Variants in CHRNA6 observed in about 807,000 individuals in gnomAD.
The protein encoded by CHRNA6 is neuronal acetylcholine receptor subunit alpha-6.
In CHRNA6, 31 loss-of-function variants were observed where a neutral mutation model predicts 40.9. The observed-to-expected ratio is 0.76, with a 90% confidence interval of 0.57 to 1.02. The LOEUF (loss-of-function observed/expected upper bound fraction) is 1.02. CHRNA6 is among the 50% of genes least tolerant of loss of function. The pLI, the probability that CHRNA6 is intolerant of heterozygous loss-of-function variation, is 0.00. For synonymous variants in CHRNA6, 222 were observed against 221.3 expected (o/e 1.00, Z -0.03); for missense variants, 546 against 596.6 (o/e 0.92, Z 0.88).
intron 2 of CHRNA6, among the ~76,000 whole-genome samples, chr8:42,764,552 C>G (rs941700351): frequency 6.6e-5 from 10 of 152,160 alleles, no homozygotes; most frequent in African/African-American, 1.9e-4. Context: ...GTCTCGAACT[C>G]TTGAGCTCAA....
chr8:42,764,377 G>C (rs1816944177), intron 2 of CHRNA6, among the ~76,000 whole-genome samples: 1 of 151,734 alleles, frequency 6.6e-6, no homozygotes. Context: ...ACCCAGGCTG[G>C]AGTGCAGTGG....
chr8:42,754,990 G>A (rs376578257), intron 5 of CHRNA6, among the ~76,000 whole-genome samples: 2 of 151,594 alleles, frequency 1.3e-5, no homozygotes, highest in Admixed American at 6.6e-5. Flanking sequence ...TCCCTCTGGG[G>A]CAGCTTTTCT....
In CHRNA6 at chr8:42,759,108, T is replaced by A. The variant is rs1436635001; in HGVS notation, c.225A>T (p.Glu75Asp). ...VAITQLANVDEVNQIMETNLW... is the reference protein window; with the variant it reads ...VAITQLANVDDVNQIMETNLW... ...AATTGGTTTCCATGATCTGGTTTAC[T>A]TCATCCTGGGAAGAAGAAATAATAC... is the stretch of plus-strand genomic sequence containing the variant. The change falls in exon 3 of 6, where the codon GAA (glutamate) becomes GAT (aspartate). Residue 75 changes from glutamate (E) to aspartate (D), a missense_variant. Glu to Asp is a conservative substitution (Grantham distance 45). Coordinates refer to ENST00000276410, the MANE Select transcript of CHRNA6 (RefSeq NM_004198.3). The A allele has an allele frequency of 6.2e-7, 1 of 1,612,866 alleles. No homozygotes were observed. The highest frequency in any genetic ancestry group is 1.7e-5 in the Admixed American group (1 of 60,002).
chr8:42,767,183 G>A (rs1816986851), intron 1 of CHRNA6, among the ~76,000 whole-genome samples: 1 of 152,104 alleles, frequency 6.6e-6, no homozygotes, highest in South Asian at 2.1e-4. Context: ...TAGCCAGGAT[G>A]GTCTCCATCT....
chr8:42,763,740 G>A lies in CHRNA6; in HGVS notation c.219+1325C>T, dbSNP rs190983125. ...ACTAAAGGATGGGAGAGCGCATCCA[G>A]GTGAGGGGAAACATCTGGCTTTATT... On this transcript the variant is annotated intron_variant, in intron 2 of 5. Transcript: ENST00000276410. 1.3e-4 allele frequency among the ~76,000 whole-genome samples: 20 copies of A among 152,324 alleles called. No individual in the cohort carries two copies. The East Asian group carries it at 3.9e-3, about 29-fold the overall frequency.
chr8:42,765,203 G>A lies in CHRNA6; in HGVS notation c.81C>T (p.Gly27=). ...TCTCCTCAGTTGCACAGCCCACACA[G>A]CCTGTGAGGCCAAACAAAGGGGAGA... ...WLCVFTPFFK[G]CVGCATEERL... is the part of the protein sequence containing the mutation. Residue 27 remains glycine, a splice_region_variant and synonymous_variant, in exon 2 of 6, where the codon GGC becomes GGT. Coordinates refer to ENST00000276410, the MANE Select transcript of CHRNA6 (RefSeq NM_004198.3). 1.2e-6 allele frequency: 2 copies of A among 1,613,420 alleles called. No individual in the cohort carries two copies. Among genetic ancestry groups the A allele is most frequent in the Non-Finnish European group, 1.7e-6 (2 of 1,179,572 alleles).
chr8:42,758,505 A>G lies in CHRNA6; in HGVS notation c.264+564T>C, dbSNP rs185205353. Among the ~76,000 whole-genome samples the G allele has an allele frequency of 5.5e-3, 833 of 152,044 alleles. 6 individuals are homozygous for G. The highest frequency in any genetic ancestry group is 0.019 in the African/African-American group (794 of 41,470). ...CTCCCGAGTAGCTGGGATTACGGGC[A>G]CCCACCACCACGCCGGGCTAATTTT... is the stretch of plus-strand genomic sequence containing the variant. On this transcript the variant is annotated intron_variant, in intron 3 of 5. Coordinates refer to ENST00000276410, the MANE Select transcript of CHRNA6 (RefSeq NM_004198.3).
At chr8:42,759,616 A>G (rs1816865846) in intron 2 of CHRNA6, among the ~76,000 whole-genome samples, 2 of 151,984 alleles carry the variant, frequency 1.3e-5, no homozygotes, top group South Asian at 4.2e-4. Flanking sequence ...AGCCTCAGCC[A>G]GCTGGGCGCG....
At chr8:42,760,305 C>G (rs892404097) in intron 2 of CHRNA6, among the ~76,000 whole-genome samples, 1 of 145,818 alleles carries the variant, frequency 6.9e-6, no homozygotes, top group Middle Eastern at 3.4e-3. Flanking sequence ...ACACGGTACT[C>G]TCATACACAC....
At chr8:42,764,455 G>A (rs974644937) in intron 2 of CHRNA6, among the ~76,000 whole-genome samples, 2 of 151,816 alleles carry the variant, frequency 1.3e-5, no homozygotes, top group African/African-American at 2.4e-5. Flanking sequence ...AGCCTCCCTA[G>A]TAGCAGGAGC....
chr8:42,763,699 C>T (rs1425820199), intron 2 of CHRNA6, among the ~76,000 whole-genome samples: 1 of 152,176 alleles, frequency 6.6e-6, no homozygotes, highest in East Asian at 1.9e-4. Context: ...TTAGAACAGG[C>T]ACCAAATAAA....
chr8:42,766,424 G>A (rs559570534), intron 1 of CHRNA6, among the ~76,000 whole-genome samples: 2 of 152,038 alleles, frequency 1.3e-5, no homozygotes, highest in African/African-American at 2.4e-5. Flanking sequence ...CCTGGGAGGC[G>A]GAGCTTGCAG....
intron 5 of CHRNA6, among the ~76,000 whole-genome samples, chr8:42,754,560 C>T (rs1365571153): frequency 6.6e-6 from 1 of 152,182 alleles, no homozygotes; most frequent in Non-Finnish European, 1.5e-5. Flanking sequence ...GGTGACACAT[C>T]TGCATGACAG....
chr8:42,762,468 G>A (rs1248231385), intron 2 of CHRNA6, among the ~76,000 whole-genome samples: 1 of 152,122 alleles, frequency 6.6e-6, no homozygotes, highest in Non-Finnish European at 1.5e-5. Flanking sequence ...GGCCAACATG[G>A]TGAAACCCCG....
intron 2 of CHRNA6, among the ~76,000 whole-genome samples, chr8:42,761,894 G>A (rs1480414305): frequency 6.6e-6 from 1 of 152,162 alleles, no homozygotes; most frequent in Non-Finnish European, 1.5e-5. Context: ...TGGAGACTCG[G>A]ATCAAAAAGA....
Position 42,756,017 on chromosome 8 carries a change from T to C in CHRNA6, c.1182A>G (p.Glu394=). Residue 394 remains glutamate (E), a synonymous_variant, in exon 5 of 6, where the codon GAA becomes GAG. Transcript: ENST00000276410. ...CATTTGATTTGTGACAATGGAAGCA[T>C]TCTTTAAGATGTCTGGGTTCCCCAT... The part of the protein sequence containing the change: ...ASHGEPRHLK[E]CFHCHKSNEL... 2 of 1,614,246 alleles carry C rather than the reference T, an allele frequency of 1.2e-6. No homozygotes were observed. The highest frequency in any genetic ancestry group is 1.7e-6 in the Non-Finnish European group (2 of 1,180,044).
chr8:42,758,716 C>A (rs1421679505), intron 3 of CHRNA6, among the ~76,000 whole-genome samples: 1 of 152,154 alleles, frequency 6.6e-6, no homozygotes. Context: ...TGCTGGGAAT[C>A]TCATGTACAT....
chr8:42,756,274 A>G lies in CHRNA6; in HGVS notation c.925T>C (p.Phe309Leu). The change falls in exon 5 of 6, where the codon TTC (phenylalanine) becomes CTC (leucine). Residue 309 changes from phenylalanine (F) to leucine (L), a missense_variant. By Grantham distance (22) the Phe-to-Leu change is conservative (BLOSUM62 0). This residue lies in a region of CHRNA6 where 476 missense variants were observed against 494.5 expected (regional missense o/e 0.96). Transcript: ENST00000276410. Reference protein sequence around the residue: ...VVPLVGEYLLFTMIFVTLSIV... With the variant: ...VVPLVGEYLLLTMIFVTLSIV... ...GACAGTGTGACAAAGATCATGGTGA[A>G]CAGCAGGTACTCACCCACCAGTGGG... 3.7e-6 allele frequency: 6 copies of G among 1,614,232 alleles called. No individual in the cohort carries two copies. Among genetic ancestry groups the G allele is most frequent in the Non-Finnish European group, 5.1e-6 (6 of 1,180,016 alleles).
intron 5 of CHRNA6, among the ~76,000 whole-genome samples, chr8:42,753,915 C>A (rs1310848398): frequency 6.6e-6 from 1 of 152,078 alleles, no homozygotes; most frequent in African/African-American, 2.4e-5. Flanking sequence ...TTCTTTGCAA[C>A]GGTGGGTAGT....
Sources: gnomAD v4.1 joint callset for allele counts (sites outside exome capture counted in the v4.1 genomes callset) on GRCh38, gnomAD v4.1.1 for gene constraint, gnomAD v4.1.1 regional missense constraint, MANE v1.5 for transcripts, NCBI Gene and HGNC (gene_info 2026-07-23, HGNC 2026-07-21) for gene names.